Variants in LCOR observed in about 807,000 individuals in gnomAD.
LCOR encodes ligand dependent nuclear receptor corepressor.
LCOR carries 14 observed loss-of-function variants against 64.4 expected under a neutral mutation model. The ratio of observed to expected loss-of-function variants is 0.22; its 90% CI spans 0.14 to 0.34. The LOEUF (loss-of-function observed/expected upper bound fraction) is 0.34. Ranked by LOEUF, LCOR falls within the 10% of genes least tolerant of loss-of-function variation. The probability of loss-of-function intolerance (pLI) is 1.00; values close to 1 mark genes in which losing one functional copy is unlikely to be tolerated. For synonymous variants in LCOR, 643 were observed against 642.5 expected, an observed-to-expected ratio of 1.00 and a Z score of -0.01; for missense variants, 1,686 against 1,765.3, an observed-to-expected ratio of 0.96 and a Z score of 0.80.
intron 2 of LCOR, among the ~76,000 whole-genome samples, chr10:96,868,436 G>A (rs1038920433): frequency 6.6e-5 from 10 of 151,264 alleles, no homozygotes; most frequent in African/African-American, 2.4e-4. Context: ...CACCACCCCC[G>A]GCTAATTTTT....
At chr10:96,953,879 A>G (rs532182618) in intron 7 of LCOR, among the ~76,000 whole-genome samples, 1 of 152,330 alleles carries the variant, frequency 6.6e-6, no homozygotes, top group African/African-American at 2.4e-5. Flanking sequence ...ATTTCTGCAA[A>G]GCCCTATTTT....
At chr10:96,942,449 A>AGAGGGAGAG (rs1184774415) in intron 4 of LCOR, among the ~76,000 whole-genome samples, 2 of 107,824 alleles carry the variant, frequency 1.9e-5, no homozygotes, top group Non-Finnish European at 3.6e-5. Context: ...GACCGTGGAG[A>AGAGGGAGAG]GAGGGAGAGG....
At chr10:96,929,262 C>G (rs1847217376) in intron 4 of LCOR, among the ~76,000 whole-genome samples, 2 of 152,332 alleles carry the variant, frequency 1.3e-5, no homozygotes, top group South Asian at 4.1e-4. Flanking sequence ...GCCTTTTTGT[C>G]TACATTGAAA....
intron 2 of LCOR, among the ~76,000 whole-genome samples, chr10:96,904,544 A>G (rs59999388): frequency 0.14 from 21,247 of 152,168 alleles, 2,009 homozygotes; most frequent in African/African-American, 0.26. Flanking sequence ...TGAAGAAGAA[A>G]CTAGAGCTCA....
chr10:96,923,695 C>T (rs1847119962), intron 4 of LCOR, among the ~76,000 whole-genome samples: 1 of 152,162 alleles, frequency 6.6e-6, no homozygotes. Flanking sequence ...GACTAGATTC[C>T]ATGCTGACAT....
chr10:96,980,668 G>A (rs759219970), intron 7 of LCOR, 125 bp from the exon 8 acceptor site: 28 of 582,882 alleles, frequency 4.8e-5, no homozygotes, highest in Admixed American at 9.3e-5. Context: ...CCAACATAGC[G>A]AGACCCTGTA....
intron 2 of LCOR, among the ~76,000 whole-genome samples, chr10:96,899,463 G>A (rs1453348345): frequency 6.6e-6 from 1 of 151,954 alleles, no homozygotes; most frequent in Non-Finnish European, 1.5e-5. Context: ...AAAAGGTAAT[G>A]CATAGTTATT....
intron 7 of LCOR, among the ~76,000 whole-genome samples, chr10:96,978,878 TGTATGTTATCTAATATC>T: frequency 6.6e-6 from 1 of 152,376 alleles, no homozygotes; most frequent in South Asian, 2.1e-4. Flanking sequence ...TTATGTTTTA[TGTATGTTATCTAATATC>T]TCACAACAAT....
intron 2 of LCOR, among the ~76,000 whole-genome samples, chr10:96,897,089 G>T (rs1243654727): frequency 8.6e-6 from 1 of 116,514 alleles, no homozygotes; most frequent in African/African-American, 3.6e-5. Context: ...GAAAGAGAAA[G>T]AGAAAGAAAA....
intron 2 of LCOR, among the ~76,000 whole-genome samples, chr10:96,888,681 T>A (rs552189912): frequency 4.6e-5 from 7 of 152,188 alleles, no homozygotes; most frequent in Non-Finnish European, 1.0e-4. Flanking sequence ...ATTTTTTAAA[T>A]TAAGTTGTAG....
At chr10:96,939,424 C>T (rs1224253426) in intron 4 of LCOR, among the ~76,000 whole-genome samples, 1 of 152,122 alleles carries the variant, frequency 6.6e-6, no homozygotes, top group African/African-American at 2.4e-5. Flanking sequence ...AGGGTTAAAT[C>T]TTCATGACCA....
At chr10:96,850,032 G>A (rs1211717289) in intron 2 of LCOR, among the ~76,000 whole-genome samples, 1 of 152,136 alleles carries the variant, frequency 6.6e-6, no homozygotes, top group Non-Finnish European at 1.5e-5. Flanking sequence ...TGTCTGAAAT[G>A]TCTTACAGAA....
intron 2 of LCOR, among the ~76,000 whole-genome samples, chr10:96,890,208 T>C (rs1221289779): frequency 2.0e-5 from 3 of 152,140 alleles, no homozygotes; most frequent in African/African-American, 7.2e-5. Flanking sequence ...AGTGAAGTGA[T>C]CCTCTCACCT....
At chr10:96,968,030 G>A (rs7081893) in intron 7 of LCOR, among the ~76,000 whole-genome samples, 8,231 of 152,138 alleles carry the variant, frequency 0.054, 758 homozygotes, top group African/African-American at 0.19. Flanking sequence ...AGTATTTTCA[G>A]AATGTTCCAC....
At chr10:96,941,246 C>T (rs1295639568) in intron 4 of LCOR, among the ~76,000 whole-genome samples, 1 of 141,680 alleles carries the variant, frequency 7.1e-6, no homozygotes, top group South Asian at 2.2e-4. Context: ...GGCTGACCCC[C>T]CCACCTCCCT....
chr10:96,847,435 C>T (rs1360392462), intron 2 of LCOR, among the ~76,000 whole-genome samples: 3 of 143,870 alleles, frequency 2.1e-5, no homozygotes, highest in African/African-American at 5.4e-5. Flanking sequence ...TATTTATTTA[C>T]TTACTTATTT....
rs760087341 is a variant in LCOR, at chr10:96,993,050, T to C, written c.*7916T>C. 6.6e-6 allele frequency: 1 copy of C among 152,078 alleles called. No individual in the cohort carries two copies. The highest frequency in any genetic ancestry group is 1.5e-5 in the Non-Finnish European group (1 of 68,038). 9.4% of individuals were successfully genotyped at this position (152,078 alleles called of 1,614,324 possible). ...TGTGGTCAGCTTTACTTCTCAGGAGTCCTGTCCTACAATTCAGAGCACCCC... is the reference window on the plus strand; with the variant it reads ...TGTGGTCAGCTTTACTTCTCAGGAGCCCTGTCCTACAATTCAGAGCACCCC... On this transcript the variant is annotated 3_prime_UTR_variant, in exon 8 of 8. Coordinates refer to ENST00000421806, the MANE Select transcript of LCOR (RefSeq NM_001346516.2).
At position 96,949,197 on chromosome 10, in the gene LCOR, C is replaced by T; in HGVS notation, c.140C>T (p.Thr47Ile). ...GTCACCACCTCTCCCACGGCTGCAA[C>T]TACTCAGAACCCTGTGCTCAGCAAA... ...SPVTTSPTAATTQNPVLSKLL... is the reference protein window; with the variant it reads ...SPVTTSPTAAITQNPVLSKLL... Residue 47 changes from threonine to isoleucine, a missense_variant, in exon 6 of 8, where the codon ACT becomes ATT. Thr to Ile is a moderately conservative substitution (Grantham distance 89, BLOSUM62 -1). Around this residue, in one of 3 missense-constraint regions of LCOR, gnomAD observed 80 missense variants for 107.7 expected, o/e 0.74. Coordinates refer to ENST00000421806, the MANE Select transcript of LCOR (RefSeq NM_001346516.2). 1 of 1,614,166 alleles carries T rather than the reference C, an allele frequency of 6.2e-7. No homozygotes were observed. The highest frequency in any genetic ancestry group is 2.2e-5 in the East Asian group (1 of 44,890).
rs763166643 is a variant in LCOR, at chr10:96,983,397, A to G, written c.2937A>G (p.Pro979=). 4 of 1,614,210 alleles carry G rather than the reference A, an allele frequency of 2.5e-6. No homozygotes were observed. The part of the protein sequence containing the change: ...KRDPEQAKEE[P]GHIPTQHVEE... ...ACCCAGAACAGGCAAAAGAAGAGCC[A>G]GGGCATATTCCCACACAGCATGTGG... The change falls in exon 8 of 8, where the codon CCA becomes CCG. Residue 979 remains proline, a synonymous_variant. Transcript: ENST00000421806. The surrounding 1 kb of genome is among the most constrained non-coding windows in gnomAD (Gnocchi z 4.5).
Sources: gnomAD v4.1 joint callset for allele counts (sites outside exome capture counted in the v4.1 genomes callset) on GRCh38, gnomAD v4.1.1 for gene constraint, gnomAD v4.1.1 regional missense constraint, Gnocchi (gnomAD v3.1) non-coding constraint, MANE v1.5 for transcripts, NCBI Gene and HGNC (gene_info 2026-07-23, HGNC 2026-07-21) for gene names.